NTM: variants seen among roughly 807,000 people sequenced by gnomAD.
The protein encoded by NTM is IgLON family member 2.
In NTM, 13 loss-of-function variants were observed where a neutral mutation model predicts 42.1. The ratio of observed to expected loss-of-function variants is 0.31; its 90% CI spans 0.20 to 0.49. NTM has a LOEUF of 0.49. Ranked by LOEUF, NTM falls within the 20% of genes least tolerant of loss-of-function variation. The probability of loss-of-function intolerance (pLI) is 0.99; values close to 1 mark genes in which losing one functional copy is unlikely to be tolerated. For synonymous variants in NTM, 187 were observed against 179.2 expected (o/e 1.04, Z -0.35); for missense variants, 373 against 452.8 (o/e 0.82, Z 1.60).
At chr11:131,842,925 C>T (rs2044451593) in intron 1 of NTM, among the ~76,000 whole-genome samples, 1 of 152,034 alleles carries the variant, frequency 6.6e-6, no homozygotes, top group Non-Finnish European at 1.5e-5. Context: ...GCAGGAGAAT[C>T]ACTTGAACCC....
chr11:132,182,216 A>T (rs1287940217), intron 3 of NTM, among the ~76,000 whole-genome samples: 1 of 151,976 alleles, frequency 6.6e-6, no homozygotes, highest in African/African-American at 2.4e-5. Context: ...TAAGTTCCTA[A>T]CCTTACAATT....
At chr11:131,641,493 G>A (rs961190083) in intron 1 of NTM, among the ~76,000 whole-genome samples, 2 of 152,170 alleles carry the variant, frequency 1.3e-5, no homozygotes, top group African/African-American at 4.8e-5. Context: ...GACCTCCATG[G>A]ATCCCTGGTC....
At chr11:132,255,829 C>A (rs1043037638) in intron 4 of NTM, among the ~76,000 whole-genome samples, 1 of 152,096 alleles carries the variant, frequency 6.6e-6, no homozygotes, top group Non-Finnish European at 1.5e-5. Flanking sequence ...CTTCCCTGCT[C>A]CACTGCCGTC....
At chr11:131,380,366 C>A (rs1324930049) in intron 1 of NTM, among the ~76,000 whole-genome samples, 1 of 152,018 alleles carries the variant, frequency 6.6e-6, no homozygotes, top group African/African-American at 2.4e-5. Flanking sequence ...TGCCACCATG[C>A]CCAGCTAATT....
At chr11:131,402,560 C>G (rs1184024338) in intron 1 of NTM, among the ~76,000 whole-genome samples, 4 of 152,128 alleles carry the variant, frequency 2.6e-5, no homozygotes, top group Admixed American at 2.6e-4. Flanking sequence ...GAAAACAGCA[C>G]AAGCCAACCA....
chr11:131,704,595 T>C (rs186765721), intron 1 of NTM, among the ~76,000 whole-genome samples: 6 of 152,140 alleles, frequency 3.9e-5, no homozygotes, highest in Non-Finnish European at 7.4e-5. Flanking sequence ...GAATATGACA[T>C]GACCAAAGGA....
chr11:132,140,906 A>G (rs1443116185), intron 2 of NTM: 4 of 152,204 alleles, frequency 2.6e-5, no homozygotes, highest in Non-Finnish European at 5.9e-5. Flanking sequence ...ATAAGAGGCA[A>G]TTGTGACCAG....
At chr11:132,292,011 G>A (rs534746373) in intron 4 of NTM, among the ~76,000 whole-genome samples, 6 of 152,174 alleles carry the variant, frequency 3.9e-5, no homozygotes, top group South Asian at 2.1e-4. Context: ...GGGGTCAGTG[G>A]AAAACAGTGG....
At chr11:131,401,171 C>CA (rs544242579) in intron 1 of NTM, among the ~76,000 whole-genome samples, 125 of 151,960 alleles carry the variant, frequency 8.2e-4, no homozygotes, top group Admixed American at 2.0e-3. Context: ...AAAATAACAA[C>CA]AAAAAAACAC....
At chr11:131,519,386 A>T (rs2049313814) in intron 1 of NTM, among the ~76,000 whole-genome samples, 1 of 150,448 alleles carries the variant, frequency 6.6e-6, no homozygotes, top group Admixed American at 6.6e-5. Flanking sequence ...CTTGTTAGGG[A>T]GCTGTGGAGT....
chr11:131,901,914 G>A (rs1338193860), intron 1 of NTM, among the ~76,000 whole-genome samples: 1 of 152,186 alleles, frequency 6.6e-6, no homozygotes, highest in East Asian at 1.9e-4. Context: ...GTAGTTTTGT[G>A]CTAAGCTAGT....
At chr11:131,551,436 C>T (rs747818394) in intron 1 of NTM, among the ~76,000 whole-genome samples, 8 of 145,098 alleles carry the variant, frequency 5.5e-5, no homozygotes, top group South Asian at 2.1e-4. Flanking sequence ...AAAAAAAAAA[C>T]GCACGATTGC....
In NTM at chr11:131,667,403, T is replaced by A. The variant is rs142077922; in HGVS notation, c.83-244161T>A. ...AGACCCTTCCTTGGGAAAGCCTTCC[T>A]GATCCCCAGGCTGGGTGCTCACCCT... On this transcript the variant is annotated intron_variant, in intron 1 of 8. Transcript: ENST00000683400. Among the ~76,000 whole-genome samples, 748 of 152,322 alleles carry A rather than the reference T, an allele frequency of 4.9e-3. 8 individuals carry two copies. Among genetic ancestry groups the A allele is most frequent in the African/African-American group, 0.017 (717 of 41,578 alleles).
intron 4 of NTM, among the ~76,000 whole-genome samples, chr11:132,285,431 ACT>A (rs967518081): frequency 1.2e-4 from 18 of 151,778 alleles, no homozygotes; most frequent in African/African-American, 4.4e-4. Flanking sequence ...GCTCTGACCA[ACT>A]CTGTTTTTCT....
At chr11:132,329,766 C>T (rs2095761303) in intron 7 of NTM, among the ~76,000 whole-genome samples, 1 of 152,224 alleles carries the variant, frequency 6.6e-6, no homozygotes, top group Non-Finnish European at 1.5e-5. Context: ...TAGAGGATAG[C>T]CTGATGACCA....
intron 4 of NTM, among the ~76,000 whole-genome samples, chr11:132,256,158 A>T (rs1051775270): frequency 6.6e-6 from 1 of 152,078 alleles, no homozygotes; most frequent in Non-Finnish European, 1.5e-5. Context: ...TCTCTTGCAC[A>T]TACCACACAC....
intron 7 of NTM, among the ~76,000 whole-genome samples, chr11:132,324,867 A>G (rs1197546264): frequency 1.3e-5 from 2 of 150,938 alleles, no homozygotes; most frequent in African/African-American, 2.4e-5. Flanking sequence ...ATAATGCCAC[A>G]TATCTACAAC....
intron 1 of NTM, among the ~76,000 whole-genome samples, chr11:131,810,479 T>C (rs2092691246): frequency 6.6e-6 from 1 of 152,142 alleles, no homozygotes; most frequent in Non-Finnish European, 1.5e-5. Context: ...GGTAGATGAA[T>C]GAGATCATTA....
At chr11:131,834,570 A>G (rs2043227412) in intron 1 of NTM, among the ~76,000 whole-genome samples, 1 of 149,004 alleles carries the variant, frequency 6.7e-6, no homozygotes, top group Non-Finnish European at 1.5e-5. Flanking sequence ...AATAATCATC[A>G]TCATCACTAT....
Sources: allele counts gnomAD v4.1 joint callset (sites outside exome capture counted in the v4.1 genomes callset), GRCh38; gene constraint gnomAD v4.1.1; transcripts MANE v1.5; gene names NCBI Gene and HGNC (gene_info 2026-07-23, HGNC 2026-07-21).